The following OCM2 variants were observed in gnomAD, a reference collection of about 807,000 sequenced individuals.
OCM2 encodes oncomodulin 2, also known as oncomodulin-2.
In OCM2, 6 loss-of-function variants were observed where a neutral mutation model predicts 13.6. That is an observed-to-expected ratio of 0.44 (90% CI 0.24 to 0.87). The LOEUF is 0.87. Ranked by LOEUF, OCM2 falls within the 40% of genes least tolerant of loss-of-function variation. The probability of loss-of-function intolerance (pLI) is 0.22; values close to 1 mark genes in which losing one functional copy is unlikely to be tolerated. For synonymous variants in OCM2, 40 were observed against 50.7 expected (o/e 0.79, Z 0.90); for missense variants, 118 against 136.8 (o/e 0.86, Z 0.68).
chr7:97,988,566 G>T lies in OCM2; in HGVS notation c.62-18C>A. The T allele has an allele frequency of 1.2e-6, 2 of 1,614,000 alleles. No individual in the cohort carries two copies. The highest frequency in any genetic ancestry group is 1.7e-6 in the Non-Finnish European group (2 of 1,179,960). On this transcript the variant is annotated intron_variant, in intron 1 of 3. Transcript: ENST00000257627. ...GTCTGGGTCTGAAGAACAGAGAATG[G>T]GTTATTCTGACACTCATTGGATCAC...
At chr7:97,984,777 A>T (rs1794653803) in exon 4 of OCM2, 1 of 802,130 alleles carries the variant, frequency 1.2e-6, no homozygotes, top group Non-Finnish European at 2.0e-6. Context: ...TATACCCACC[A>T]CCAAGAAAGT....
chr7:97,989,224 C>G (rs10251155), intron 1 of OCM2, among the ~76,000 whole-genome samples: 13,806 of 151,926 alleles, frequency 0.091, 680 homozygotes, highest in South Asian at 0.14. Flanking sequence ...AGCACCACAC[C>G]TGGCCCTTCA....
intron 1 of OCM2, 69 bp downstream of exon 1, chr7:97,989,975 A>C: frequency 6.4e-7 from 1 of 1,551,422 alleles, no homozygotes; most frequent in South Asian, 1.1e-5. Flanking sequence ...CTACATTTTG[A>C]TTTTGTGTTG....
At chr7:97,985,071 A>G in intron 3 of OCM2, 88 bp from the exon 4 acceptor site, 1 of 1,565,780 alleles carries the variant, frequency 6.4e-7, no homozygotes, top group Non-Finnish European at 8.8e-7. Context: ...CCAAAGAGGG[A>G]AGGAAGCAAA....
At chr7:97,987,155 A>G (rs762550089) in exon 3 of OCM2, 2 of 1,613,112 alleles carry the variant, frequency 1.2e-6, no homozygotes, top group African/African-American at 2.7e-5. Context: ...TGGAGGAAAA[A>G]CCTACAGGAT....
At position 97,990,092 on chromosome 7, in the gene OCM2, C is replaced by T. The variant is rs267601654; in HGVS notation, c.13G>A (p.Asp5Asn). Residue 5 changes from aspartate (D) to asparagine (N), a missense_variant, in exon 1 of 4, where the codon GAC becomes AAC. Asp to Asn is a conservative substitution (Grantham distance 23). Coordinates refer to ENST00000257627, the Ensembl canonical transcript of OCM2. ...GCAATGTCATCAGCACTGAGCACGT[C>T]CGTGATGCTCATTTTCTACCTACTC... is the stretch of plus-strand genomic sequence containing the variant. The T allele has an allele frequency of 4.3e-6, 7 of 1,611,528 alleles. No homozygotes were observed. In the African/African-American group the frequency reaches 8.0e-5, roughly 18 times the overall value.
intron 1 of OCM2, 28 bp downstream of exon 1, chr7:97,990,016 T>TGGGGCCCCCC: frequency 1.8e-6 from 2 of 1,083,840 alleles, no homozygotes; most frequent in Non-Finnish European, 2.8e-6. Context: ...TGTGAGGAAA[T>TGGGGCCCCCC]CCCACCCCCG....
exon 3 of OCM2, chr7:97,987,145 T>A: frequency 6.2e-7 from 1 of 1,613,668 alleles, no homozygotes; most frequent in Non-Finnish European, 8.5e-7. Context: ...CTCAAACTTC[T>A]GGAGGAAAAA....
At chr7:97,988,512 G>C in exon 2 of OCM2, 1 of 1,614,190 alleles carries the variant, frequency 6.2e-7, no homozygotes, top group Admixed American at 1.7e-5. Flanking sequence ...GAGGCCTGAC[G>C]TCTGGAAGAA....
chr7:97,989,961 T>C (rs1404793586), intron 1 of OCM2, 83 bp downstream of exon 1: 1 of 1,440,260 alleles, frequency 6.9e-7, no homozygotes, highest in Non-Finnish European at 9.7e-7. Flanking sequence ...TCTGGCCGCC[T>C]GGCCTACATT....
chr7:97,989,619 G>A (rs1327840186), intron 1 of OCM2, among the ~76,000 whole-genome samples: 3 of 151,796 alleles, frequency 2.0e-5, no homozygotes, highest in South Asian at 2.1e-4. Context: ...TGTTGCCCAG[G>A]CTGGTCTCAA....
intron 1 of OCM2, among the ~76,000 whole-genome samples, 172 bp downstream of exon 1, chr7:97,989,872 C>G (rs1179888458): frequency 1.3e-5 from 2 of 151,968 alleles, no homozygotes; most frequent in African/African-American, 4.8e-5. Context: ...CTTGGCCAGG[C>G]TGGTCTCAAA....
At chr7:97,987,226 T>G in intron 2 of OCM2, 70 bp from the exon 3 acceptor site, 4 of 1,580,010 alleles carry the variant, frequency 2.5e-6, no homozygotes, top group Non-Finnish European at 3.5e-6. Flanking sequence ...ACTTTTGTTT[T>G]TCCTTTAAGC....
intron 3 of OCM2, among the ~76,000 whole-genome samples, chr7:97,986,455 A>C (rs1322594929): frequency 1.3e-5 from 2 of 152,176 alleles, no homozygotes; most frequent in Non-Finnish European, 2.9e-5. Flanking sequence ...TGACAAAATC[A>C]AGTGAAAATA....
intron 1 of OCM2, among the ~76,000 whole-genome samples, chr7:97,989,667 G>A (rs12112777): frequency 0.015 from 2,192 of 149,784 alleles, 17 homozygotes; most frequent in African/African-American, 0.037. Context: ...CTTGGCCTCC[G>A]AAAAGTGTTG....
At chr7:97,985,431 A>AAAAAAAAAAAAAG (rs757682710) in intron 3 of OCM2, among the ~76,000 whole-genome samples, 5 of 131,498 alleles carry the variant, frequency 3.8e-5, no homozygotes, top group East Asian at 2.4e-4. Flanking sequence ...AAAAAAAAAA[A>AAAAAAAAAAAAAG]AAAGAAAGAA....
At chr7:97,988,569 T>A (rs1794696003) in intron 1 of OCM2, 21 bp from the exon 2 acceptor site, 1 of 1,613,944 alleles carries the variant, frequency 6.2e-7, no homozygotes, top group Non-Finnish European at 8.5e-7. Context: ...GAGAATGGGT[T>A]ATTCTGACAC....
At chr7:97,985,995 C>T (rs1794667693) in intron 3 of OCM2, among the ~76,000 whole-genome samples, 1 of 152,246 alleles carries the variant, frequency 6.6e-6, no homozygotes, top group Admixed American at 6.5e-5. Context: ...TCACTGCAAC[C>T]TCTGCCTCCC....
exon 4 of OCM2, chr7:97,984,953 G>C: frequency 6.2e-7 from 1 of 1,612,614 alleles, no homozygotes; most frequent in East Asian, 2.2e-5. Flanking sequence ...CAGAGACTGG[G>C]GCTTTTAAGA....
Sources: allele counts gnomAD v4.1 joint callset (sites outside exome capture counted in the v4.1 genomes callset), GRCh38; gene constraint gnomAD v4.1.1; transcripts MANE v1.5; gene names NCBI Gene and HGNC (gene_info 2026-07-23, HGNC 2026-07-21).